Variants in CDK5RAP1 observed in about 807,000 individuals in gnomAD.
CDK5RAP1 encodes the protein CDK5RAP1 mitochondrial tRNA methylthiotransferase, also known as mitochondrial tRNA methylthiotransferase CDK5RAP1.
CDK5RAP1 carries 62 observed loss-of-function variants against 64.5 expected under a neutral mutation model. The ratio of observed to expected loss-of-function variants is 0.96; its 90% confidence interval spans 0.78 to 1.19. The LOEUF is 1.19. Ranked by LOEUF, CDK5RAP1 falls within the 50% of genes most tolerant of loss-of-function variation. The probability of loss-of-function intolerance (pLI) is 0.00; values close to 1 mark genes in which losing one functional copy is unlikely to be tolerated. For missense variants in CDK5RAP1, 657 were observed against 735.0 expected (o/e 0.89, Z 1.23); for synonymous variants, 250 against 261.9 (o/e 0.95, Z 0.44).
intron 10 of CDK5RAP1, 29 bp downstream of exon 10, chr20:33,372,613 G>A: frequency 7.5e-7 from 1 of 1,331,954 alleles, no homozygotes; most frequent in Non-Finnish European, 1.0e-6. Context: ...AGAGTAACAT[G>A]CTCAGCAGAA....
At chr20:33,398,410 CTT>C (rs963849468) in intron 1 of CDK5RAP1, among the ~76,000 whole-genome samples, 1 of 152,184 alleles carries the variant, frequency 6.6e-6, no homozygotes, top group Non-Finnish European at 1.5e-5. Flanking sequence ...ATGAGAATCT[CTT>C]GAGCTCAGGA....
At chr20:33,378,712 C>A (rs1288255408) in intron 8 of CDK5RAP1, among the ~76,000 whole-genome samples, 1 of 152,122 alleles carries the variant, frequency 6.6e-6, no homozygotes, top group Non-Finnish European at 1.5e-5. Flanking sequence ...ATCACATGCT[C>A]GCTGGTAAAA....
At chr20:33,394,164 C>CTTTT in intron 3 of CDK5RAP1, 98 bp from the exon 4 acceptor site, 5 of 673,800 alleles carry the variant, frequency 7.4e-6, no homozygotes, top group Admixed American at 2.6e-5. Context: ...TTTTTTTTTC[C>CTTTT]TTTTTTTTTT....
chr20:33,370,410 C>T (rs1339357661), intron 11 of CDK5RAP1, 89 bp downstream of exon 11: 52 of 1,398,042 alleles, frequency 3.7e-5, no homozygotes, highest in Non-Finnish European at 3.2e-5. Flanking sequence ...ACTGCCTTGC[C>T]GCCACTCTCT....
chr20:33,367,365 T>TATTTCA, intron 11 of CDK5RAP1, among the ~76,000 whole-genome samples: 1 of 152,350 alleles, frequency 6.6e-6, no homozygotes, highest in East Asian at 1.9e-4. Flanking sequence ...GCAGCCTAAA[T>TATTTCA]ATTTCAATAG....
At chr20:33,359,239 G>A in intron 13 of CDK5RAP1, 116 bp from the exon 14 acceptor site, 2 of 727,930 alleles carry the variant, frequency 2.7e-6, no homozygotes, top group South Asian at 1.7e-5. Flanking sequence ...CGACCGGCTG[G>A]CAGAGACCAC....
intron 7 of CDK5RAP1, among the ~76,000 whole-genome samples, chr20:33,380,677 A>G (rs1986637217): frequency 6.6e-6 from 1 of 152,152 alleles, no homozygotes; most frequent in Non-Finnish European, 1.5e-5. Flanking sequence ...ACGTTTTTCT[A>G]TTATACTAGT....
intron 4 of CDK5RAP1, 131 bp from the exon 5 acceptor site, chr20:33,392,373 C>A: frequency 2.2e-6 from 1 of 447,932 alleles, no homozygotes; most frequent in Non-Finnish European, 4.0e-6. Context: ...CTGCAGCCCA[C>A]GGGCCACATG....
At position 33,358,848 on chromosome 20, in the gene CDK5RAP1, G is replaced by A; in HGVS notation, c.*195C>T. On this transcript the variant is annotated 3_prime_UTR_variant, in exon 14 of 14. Coordinates refer to ENST00000346416, the MANE Select transcript of CDK5RAP1 (RefSeq NM_016408.4). ...AGTGAGAGACAAAGGGTTAACCTTA[G>A]TTTAGGTAAATTTAATGACTGTAAA... 1 of 545,896 alleles carries A rather than the reference G, an allele frequency of 1.8e-6. No individual in the cohort carries two copies. Among genetic ancestry groups the A allele is most frequent in the Non-Finnish European group, 3.2e-6 (1 of 308,532 alleles). The allele number at this position is 545,896 out of a possible 1,614,324, so 33.8% of individuals were successfully genotyped here.
In CDK5RAP1 at chr20:33,367,004, G is replaced by A; in HGVS notation, c.1397C>T (p.Thr466Ile). The A allele has an allele frequency of 6.3e-7, 1 of 1,591,800 alleles. No homozygotes were observed. The highest frequency in any genetic ancestry group is 8.5e-7 in the Non-Finnish European group (1 of 1,172,974). Reference protein sequence around the residue: ...FLFAYSMRQKTRAYHRLKDDV... With the variant: ...FLFAYSMRQKIRAYHRLKDDV... ...ATCCTTCAGCCTATGATATGCCCGT[G>A]TCTTCTATTAAAAAAAAAAAAAAGA... Residue 466 changes from threonine (T) to isoleucine (I), a missense_variant, in exon 12 of 14, where the codon ACA becomes ATA. Physicochemically the swap from Thr to Ile is moderately conservative, Grantham distance 89 (BLOSUM62 -1). Transcript: ENST00000346416.
intron 8 of CDK5RAP1, among the ~76,000 whole-genome samples, chr20:33,377,484 A>C (rs1344987638): frequency 2.0e-5 from 3 of 152,092 alleles, no homozygotes; most frequent in Non-Finnish European, 2.9e-5. Context: ...TTTCTTCTTC[A>C]GCTTCCTCAC....
chr20:33,382,080 C>A (rs1049517897), intron 7 of CDK5RAP1, among the ~76,000 whole-genome samples: 7 of 152,136 alleles, frequency 4.6e-5, no homozygotes, highest in African/African-American at 1.4e-4. Context: ...ACGCTCAAGG[C>A]ACCCTCCTGC....
chr20:33,379,874 TACCTA>T (rs1323644490), intron 7 of CDK5RAP1, among the ~76,000 whole-genome samples, 183 bp from the exon 8 acceptor site: 2 of 152,158 alleles, frequency 1.3e-5, no homozygotes, highest in Non-Finnish European at 2.9e-5. Flanking sequence ...TTAGACATCT[TACCTA>T]AAGAGCTAAA....
chr20:33,388,869 T>C (rs1018016119), intron 5 of CDK5RAP1, among the ~76,000 whole-genome samples: 67 of 152,312 alleles, frequency 4.4e-4, no homozygotes, highest in African/African-American at 1.4e-3. Context: ...GGGAGTGATC[T>C]GCCAGCCTCG....
chr20:33,390,819 G>C (rs1170990254), intron 5 of CDK5RAP1, among the ~76,000 whole-genome samples: 1 of 152,122 alleles, frequency 6.6e-6, no homozygotes, highest in African/African-American at 2.4e-5. Flanking sequence ...CCATCGTTAG[G>C]AGAGATTAAT....
At position 33,387,403 on chromosome 20, in the gene CDK5RAP1, G is replaced by A; in HGVS notation, c.675C>T (p.Ala225=). 1 of 1,614,186 alleles carries A rather than the reference G, an allele frequency of 6.2e-7. No homozygotes were observed. Among genetic ancestry groups the A allele is most frequent in the South Asian group, 1.1e-5 (1 of 91,080 alleles). ...LAVAESGQQA[A]NVLLSLDETY... is the part of the protein sequence containing the mutation. ...TCTCGTCCAGAGAGAGCAGCACGTTGGCAGCTTGCTGGCCCGACTCAGCAA... is the reference window on the plus strand; with the variant it reads ...TCTCGTCCAGAGAGAGCAGCACGTTAGCAGCTTGCTGGCCCGACTCAGCAA... The change falls in exon 6 of 14, where the codon GCC becomes GCT. Residue 225 remains alanine (A), a synonymous_variant. Transcript: ENST00000346416.
Position 33,379,454 on chromosome 20 carries a change from C to T in CDK5RAP1, c.1107+7G>A, listed in dbSNP as rs761123727. On this transcript the variant is annotated splice_region_variant and intron_variant, in intron 8 of 13. Transcript: ENST00000346416. ...TATCAGTTTGTCACAGCTAACCTGACGCTCACCTCATCAGGAAAATCCTTG... is the reference window on the plus strand; with the variant it reads ...TATCAGTTTGTCACAGCTAACCTGATGCTCACCTCATCAGGAAAATCCTTG... 3.5e-5 allele frequency: 55 copies of T among 1,583,704 alleles called. No homozygotes were observed. Among genetic ancestry groups the T allele is most frequent in the South Asian group, 2.4e-4 (22 of 90,452 alleles).
chr20:33,374,667 G>A (rs551500750), intron 8 of CDK5RAP1, among the ~76,000 whole-genome samples: 2 of 151,648 alleles, frequency 1.3e-5, no homozygotes, highest in African/African-American at 2.4e-5. Context: ...GGGTTCAAGC[G>A]ATTCTCCTGC....
intron 8 of CDK5RAP1, among the ~76,000 whole-genome samples, chr20:33,378,617 T>A (rs187741647): frequency 6.6e-6 from 1 of 152,196 alleles, no homozygotes; most frequent in African/African-American, 2.4e-5. Flanking sequence ...TGCCTTTGTA[T>A]CTATTTCACA....
Sources: allele counts gnomAD v4.1 joint callset (sites outside exome capture counted in the v4.1 genomes callset), GRCh38; gene constraint gnomAD v4.1.1; transcripts MANE v1.5; gene names NCBI Gene and HGNC (gene_info 2026-07-23, HGNC 2026-07-21).